The following DPYSL2 variants were observed in gnomAD, a reference collection of about 807,000 sequenced individuals.
DPYSL2 encodes dihydropyrimidinase-related protein 2.
In DPYSL2, 13 loss-of-function variants were observed where a neutral mutation model predicts 69.9. The observed-to-expected ratio is 0.19, with a 90% CI of 0.12 to 0.30. DPYSL2 has a LOEUF of 0.30. DPYSL2 is among the 10% of genes least tolerant of loss of function. DPYSL2 has a pLI of 1.00. For missense variants in DPYSL2, 587 were observed against 918.9 expected, an observed-to-expected ratio of 0.64 and a Z score of 4.67; for synonymous variants, 326 against 359.1, an observed-to-expected ratio of 0.91 and a Z score of 1.04.
intron 1 of DPYSL2, chr8:26,577,197 C>G (rs758315092): frequency 4.8e-5 from 21 of 439,920 alleles, no homozygotes; most frequent in Admixed American, 1.2e-4. Context: ...GGGCCAGATC[C>G]CGTCTCTGCA....
At position 26,514,370 on chromosome 8, in the gene DPYSL2, G is replaced by A; in HGVS notation, c.45G>A (p.Glu15=). 1.3e-6 allele frequency: 2 copies of A among 1,510,870 alleles called. No individual in the cohort carries two copies. Among genetic ancestry groups the A allele is most frequent in the Non-Finnish European group, 1.8e-6 (2 of 1,135,934 alleles). The allele number at this position is 1,510,870 out of a possible 1,614,324, so 93.6% of individuals were successfully genotyped here. Residue 15 remains glutamate, a synonymous_variant, in exon 1 of 14, where the codon GAG becomes GAA. Coordinates refer to ENST00000521913, the MANE Select transcript of DPYSL2 (RefSeq NM_001197293.3). The surrounding 1 kb of genome is among the most constrained non-coding windows in gnomAD (Gnocchi z 8.4). The stretch of plus-strand genomic sequence containing the variant: ...CCGGGAAGGCGGCAGAGGACGAAGA[G>A]GTCCCTGCTTTTTTTAAAAACCTGG... ...KQSGKAAEDE[E]VPAFFKNLGS... is the part of the protein sequence containing the mutation.
chr8:26,594,054 CAACAG>C (rs1275675703), intron 3 of DPYSL2, among the ~76,000 whole-genome samples: 2 of 152,168 alleles, frequency 1.3e-5, no homozygotes, highest in Non-Finnish European at 2.9e-5. Flanking sequence ...GTAAGTAACT[CAACAG>C]GACAGGATGG....
intron 3 of DPYSL2, among the ~76,000 whole-genome samples, chr8:26,608,308 G>GACTTTTTT (rs1490321455): frequency 1.3e-5 from 2 of 152,180 alleles, no homozygotes; most frequent in African/African-American, 4.8e-5. Flanking sequence ...TAGTAATAGT[G>GACTTTTTT]ACTTTTTTTG....
rs903240474 is a variant in DPYSL2, at chr8:26,640,341, A to G, written c.1127-3098A>G. ...GGTCACATCCTTCAGTTTAGACTTT[A>G]CCTGGAGAAGAAAATCACAAAGGTC... On this transcript the variant is annotated intron_variant, in intron 8 of 13. Transcript: ENST00000521913. The surrounding 1 kb of genome is among the most constrained non-coding windows in gnomAD (Gnocchi z 4.2). Among the ~76,000 whole-genome samples the G allele has an allele frequency of 1.3e-5, 2 of 152,178 alleles. No homozygotes were observed. Among genetic ancestry groups the G allele is most frequent in the African/African-American group, 4.8e-5 (2 of 41,432 alleles).
rs1563385446 is a variant in DPYSL2 at position 26,556,341 on chromosome 8, A to ATATATATATAC, written c.355-25618_355-25617insCTATATATATA. 6.1e-3 allele frequency among the ~76,000 whole-genome samples: 56 copies of ATATATATATAC among 9,126 alleles called. 8 individuals carry two copies. The highest frequency in any genetic ancestry group is 0.016 in the South Asian group (7 of 446). 6.0% of individuals were successfully genotyped at this position (9,126 alleles called of 152,430 possible). A position where few individuals can be genotyped will look rare whatever the true frequency, so the allele number is the denominator to read the frequency against. Reference sequence around the variant, plus strand: ...ACTATATATATAGTATATATATAGTATATATATATAGTATATATATATAGT... The same window carrying ATATATATATAC: ...ACTATATATATAGTATATATATAGTATATATATATACTATATATATAGTATATATATATAGT... On this transcript the variant is annotated intron_variant, in intron 1 of 13. Transcript: ENST00000521913.
Position 26,648,720 on chromosome 8 carries a change from T to C in DPYSL2, c.1596+920T>C, listed in dbSNP as rs1803222333. Among the ~76,000 whole-genome samples the C allele has an allele frequency of 6.6e-6, 1 of 152,172 alleles. No individual in the cohort carries two copies. Among genetic ancestry groups the C allele is most frequent in the Admixed American group, 6.5e-5 (1 of 15,282 alleles). ...ACCTCCCCCACACACCACGACAGCT[T>C]AGGGCAGGTTTCTGGCATTTCTCCG... On this transcript the variant is annotated intron_variant, in intron 11 of 13. Transcript: ENST00000521913. The surrounding 1 kb of genome is among the most constrained non-coding windows in gnomAD (Gnocchi z 4.3).
chr8:26,574,793 G>A (rs1306721535), intron 1 of DPYSL2, among the ~76,000 whole-genome samples: 1 of 152,074 alleles, frequency 6.6e-6, no homozygotes, highest in African/African-American at 2.4e-5. Flanking sequence ...ACCCAAGCTG[G>A]AGTGCAGTGG....
Position 26,643,922 on chromosome 8 carries a change from A to G in DPYSL2, c.1284-28A>G, listed in dbSNP as rs1345849749. ...GCGCACAGCATCTTGACGAAGCTGC[A>G]GCACCACGTTATGCATTTTCTTTGC... is the stretch of plus-strand genomic sequence containing the variant. On this transcript the variant is annotated intron_variant, in intron 9 of 13. Transcript: ENST00000521913. This position sits in a 1 kb window ranked among gnomAD's most constrained non-coding sequence, Gnocchi z 6.5. 12 of 1,608,116 alleles carry G rather than the reference A, an allele frequency of 7.5e-6. No individual in the cohort carries two copies. The Admixed American group carries it at 1.3e-4, about 18-fold the overall frequency.
intron 1 of DPYSL2, chr8:26,577,214 C>A (rs1014812574): frequency 9.4e-6 from 4 of 424,526 alleles, no homozygotes; most frequent in Non-Finnish European, 1.9e-5. Context: ...TGCAGCCTCC[C>A]CCCGGCCCGC....
At chr8:26,579,066 G>T (rs1192192823) in intron 1 of DPYSL2, among the ~76,000 whole-genome samples, 1 of 152,238 alleles carries the variant, frequency 6.6e-6, no homozygotes, top group Admixed American at 6.5e-5. Context: ...AGGCGTCCGT[G>T]TTGGTGCATA....
At chr8:26,629,530 G>A (rs1802694457) in intron 7 of DPYSL2, among the ~76,000 whole-genome samples, 1 of 152,194 alleles carries the variant, frequency 6.6e-6, no homozygotes, top group African/African-American at 2.4e-5. Context: ...AGGGATGCAG[G>A]CCCTTTTGTA....
In DPYSL2 at chr8:26,627,336, G is replaced by C; in HGVS notation, c.936+41G>C. 1.9e-6 allele frequency: 3 copies of C among 1,590,570 alleles called. No homozygotes were observed. The South Asian group carries it at 3.3e-5, about 18-fold the overall frequency. The stretch of plus-strand genomic sequence containing the variant: ...TTTCGTCATTTCTTCATCACCTGGA[G>C]GGTGAGAGGCAGGCTCAAGAAAGGG... On this transcript the variant is annotated intron_variant, in intron 6 of 13. Coordinates refer to ENST00000521913, the MANE Select transcript of DPYSL2 (RefSeq NM_001197293.3). The surrounding 1 kb of genome is among the most constrained non-coding windows in gnomAD (Gnocchi z 6.9).
chr8:26,622,003 C>G (rs1189300714), intron 3 of DPYSL2, among the ~76,000 whole-genome samples: 1 of 152,098 alleles, frequency 6.6e-6, no homozygotes. Context: ...AGAGATGAAG[C>G]CAGGGGAGTG....
intron 10 of DPYSL2, among the ~76,000 whole-genome samples, chr8:26,646,124 C>T (rs1435574719): frequency 1.3e-5 from 2 of 152,106 alleles, no homozygotes; most frequent in Non-Finnish European, 2.9e-5. Context: ...CCTCAGCCTC[C>T]CAAAGTGCTG....
In DPYSL2 at chr8:26,627,507, T is replaced by C. The variant is rs1802645435; in HGVS notation, c.936+212T>C. ...TGTGCCACAGAACATCTAAGTCAGTTACTATTGCAGAGAGAGGCCATTTCT... is the reference window on the plus strand; with the variant it reads ...TGTGCCACAGAACATCTAAGTCAGTCACTATTGCAGAGAGAGGCCATTTCT... On this transcript the variant is annotated intron_variant, in intron 6 of 13. Coordinates refer to ENST00000521913, the MANE Select transcript of DPYSL2 (RefSeq NM_001197293.3). This position sits in a 1 kb window ranked among gnomAD's most constrained non-coding sequence, Gnocchi z 6.9. Among the ~76,000 whole-genome samples the C allele has an allele frequency of 6.6e-6, 1 of 151,914 alleles. No individual in the cohort carries two copies. The highest frequency in any genetic ancestry group is 1.5e-5 in the Non-Finnish European group (1 of 67,992).
At chr8:26,578,569 G>A in intron 1 of DPYSL2, 1 of 1,351,808 alleles carries the variant, frequency 7.4e-7, no homozygotes, top group Non-Finnish European at 9.5e-7. Flanking sequence ...TTTATTGTCA[G>A]TGAGAGATGC....
At position 26,626,520 on chromosome 8, in the gene DPYSL2, C is replaced by CGT; in HGVS notation, c.794-97_794-96insGT. On this transcript the variant is annotated intron_variant, in intron 4 of 13. Transcript: ENST00000521913. The surrounding 1 kb of genome is among the most constrained non-coding windows in gnomAD (Gnocchi z 4.3). ...ACACACACACACACACACACACACA[C>CGT]ACGTACACACACAGACAGTATTATC... 2.1e-6 allele frequency: 2 copies of CGT among 964,668 alleles called. No individual in the cohort carries two copies. Among genetic ancestry groups the CGT allele is most frequent in the Non-Finnish European group, 3.2e-6 (2 of 619,288 alleles). The allele number at this position is 964,668 out of a possible 1,614,324, so 59.8% of individuals were successfully genotyped here.
chr8:26,613,060 G>A (rs1329480697), intron 3 of DPYSL2, among the ~76,000 whole-genome samples: 1 of 152,224 alleles, frequency 6.6e-6, no homozygotes, highest in Non-Finnish European at 1.5e-5. Flanking sequence ...ATGCAAACGT[G>A]TAGGAAATTA....
rs1489103901 is a variant in DPYSL2 at position 26,627,557 on chromosome 8, T to G, written c.936+262T>G. Among the ~76,000 whole-genome samples, 2 of 152,090 alleles carry G rather than the reference T, an allele frequency of 1.3e-5. No homozygotes were observed. The highest frequency in any genetic ancestry group is 4.8e-5 in the African/African-American group (2 of 41,428). On this transcript the variant is annotated intron_variant, in intron 6 of 13. Transcript: ENST00000521913. The surrounding 1 kb of genome is among the most constrained non-coding windows in gnomAD (Gnocchi z 6.9). Reference sequence around the variant, plus strand: ...TCTCGGTGCTGTAACGCAGCTGCCTTGGGTGGGGTACGGGAACCCTCACGT... The same window carrying G: ...TCTCGGTGCTGTAACGCAGCTGCCTGGGGTGGGGTACGGGAACCCTCACGT...
Sources: gnomAD v4.1 joint callset for allele counts (sites outside exome capture counted in the v4.1 genomes callset) on GRCh38, gnomAD v4.1.1 for gene constraint, Gnocchi (gnomAD v3.1) non-coding constraint, MANE v1.5 for transcripts, NCBI Gene and HGNC (gene_info 2026-07-23, HGNC 2026-07-21) for gene names.